B4GALNT3: variants seen among roughly 807,000 people sequenced by gnomAD.
The protein encoded by B4GALNT3 is beta-1,4-N-acetyl-galactosaminyltransferase 3.
B4GALNT3 carries 86 observed loss-of-function variants against 120.2 expected under a neutral mutation model. That is an observed-to-expected ratio of 0.72 (90% CI 0.60 to 0.86). The LOEUF (loss-of-function observed/expected upper bound fraction) is 0.86, where lower values mean the gene tolerates loss of function less well. B4GALNT3 is among the 40% of genes least tolerant of loss of function. The pLI is 0.00. For missense variants in B4GALNT3, 1,167 were observed against 1,298.9 expected, an observed-to-expected ratio of 0.90 and a Z score of 1.56; for synonymous variants, 518 against 510.4, an observed-to-expected ratio of 1.01 and a Z score of -0.20.
chr12:534,668 C>T (rs541311453), intron 1 of B4GALNT3, among the ~76,000 whole-genome samples: 1 of 152,204 alleles, frequency 6.6e-6, no homozygotes, highest in East Asian at 1.9e-4. Context: ...ATCCCAGGCC[C>T]ACTCTTTCCT....
chr12:461,564 A>G (rs1415539990), intron 1 of B4GALNT3, among the ~76,000 whole-genome samples: 1 of 152,216 alleles, frequency 6.6e-6, no homozygotes. Context: ...CGAGGTTCAA[A>G]GTTCTGGCAC....
At chr12:494,293 GA>G (rs11412767) in intron 1 of B4GALNT3, among the ~76,000 whole-genome samples, 69 of 139,672 alleles carry the variant, frequency 4.9e-4, no homozygotes, top group Admixed American at 7.1e-4. Context: ...TACCTTGAAA[GA>G]AAAAAAAAAA....
At chr12:511,552 C>G (rs1236016139) in intron 1 of B4GALNT3, among the ~76,000 whole-genome samples, 1 of 144,502 alleles carries the variant, frequency 6.9e-6, no homozygotes, top group East Asian at 2.0e-4. Flanking sequence ...CTTCCTTCCA[C>G]CTTCCACCTT....
chr12:488,690 C>A (rs215233), intron 1 of B4GALNT3, among the ~76,000 whole-genome samples: 27,202 of 151,880 alleles, frequency 0.18, 2,847 homozygotes, highest in Middle Eastern at 0.37. Flanking sequence ...AACAATGGCA[C>A]ATGCATGTAG....
At chr12:547,121 G>T (rs1007101337) in intron 7 of B4GALNT3, among the ~76,000 whole-genome samples, 19 of 152,146 alleles carry the variant, frequency 1.2e-4, no homozygotes, top group African/African-American at 3.4e-4. Context: ...AGCGCCCCCT[G>T]GTGGCCCACG....
intron 1 of B4GALNT3, among the ~76,000 whole-genome samples, chr12:533,633 C>T (rs991388912): frequency 1.1e-4 from 16 of 152,226 alleles, no homozygotes; most frequent in East Asian, 9.7e-4. Flanking sequence ...ATCCTGCCTG[C>T]GGAACAACCA....
intron 2 of B4GALNT3, among the ~76,000 whole-genome samples, chr12:535,548 C>T (rs987684597): frequency 7.9e-5 from 12 of 152,138 alleles, no homozygotes; most frequent in African/African-American, 1.9e-4. Context: ...TTGCCCGTGC[C>T]GGAACCACTC....
chr12:499,583 A>T (rs1946420621), intron 1 of B4GALNT3, among the ~76,000 whole-genome samples: 1 of 133,146 alleles, frequency 7.5e-6, no homozygotes, highest in East Asian at 2.1e-4. Context: ...TGCTCTCACT[A>T]TCTAGAACAC....
intron 1 of B4GALNT3, among the ~76,000 whole-genome samples, chr12:504,118 T>TAA (rs71045066): frequency 0.076 from 10,787 of 142,320 alleles, 621 homozygotes; most frequent in African/African-American, 0.16. Flanking sequence ...CTGTCTCAAT[T>TAA]AAAAAAAAAA....
chr12:515,488 C>T (rs927896552), intron 1 of B4GALNT3, among the ~76,000 whole-genome samples: 9 of 152,124 alleles, frequency 5.9e-5, no homozygotes, highest in African/African-American at 1.9e-4. Flanking sequence ...TGAGCCACCG[C>T]ACCCAGCCTC....
At chr12:522,546 G>A (rs986957574) in intron 1 of B4GALNT3, among the ~76,000 whole-genome samples, 2 of 152,168 alleles carry the variant, frequency 1.3e-5, no homozygotes, top group South Asian at 2.1e-4. Context: ...TAATGGGTAC[G>A]GAGTTTCAGT....
At chr12:488,662 A>C (rs1946312824) in intron 1 of B4GALNT3, among the ~76,000 whole-genome samples, 1 of 152,108 alleles carries the variant, frequency 6.6e-6, no homozygotes, top group Non-Finnish European at 1.5e-5. Flanking sequence ...TTAAAAATTA[A>C]ATTTTTAAAA....
chr12:513,031 C>T (rs1946611860), intron 1 of B4GALNT3, among the ~76,000 whole-genome samples: 1 of 150,380 alleles, frequency 6.6e-6, no homozygotes, highest in South Asian at 2.1e-4. Context: ...CTTCCACCTT[C>T]CACCTTCTTC....
In B4GALNT3 at chr12:548,923, C is replaced by T. The variant is rs1565609229; in HGVS notation, c.853+626C>T. Among the ~76,000 whole-genome samples, 1 of 151,868 alleles carries T rather than the reference C, an allele frequency of 6.6e-6. No individual in the cohort carries two copies. Among genetic ancestry groups the T allele is most frequent in the Non-Finnish European group, 1.5e-5 (1 of 67,890 alleles). On this transcript the variant is annotated intron_variant, in intron 9 of 19. Transcript: ENST00000266383. The surrounding 1 kb of genome is among the most constrained non-coding windows in gnomAD (Gnocchi z 4.9). ...GCCTCAAAAGCAAAACAAAACAACA[C>T]AAAAAAACCCTCTGAGCGAGTCCAA...
At position 550,897 on chromosome 12, in the gene B4GALNT3, A is replaced by G; in HGVS notation, c.998-25A>G. The G allele has an allele frequency of 1.3e-6, 2 of 1,563,736 alleles. No homozygotes were observed. The highest frequency in any genetic ancestry group is 1.8e-6 in the Non-Finnish European group (2 of 1,135,660). ...CAGTTTCGTGCTCACCCTCACCCTCACTCCTCCTCCTCCACTGTCCTCAGT... is the reference window on the plus strand; with the variant it reads ...CAGTTTCGTGCTCACCCTCACCCTCGCTCCTCCTCCTCCACTGTCCTCAGT... On this transcript the variant is annotated intron_variant, in intron 10 of 19. Coordinates refer to ENST00000266383, the MANE Select transcript of B4GALNT3 (RefSeq NM_173593.4). This position sits in a 1 kb window ranked among gnomAD's most constrained non-coding sequence, Gnocchi z 4.1.
intron 1 of B4GALNT3, among the ~76,000 whole-genome samples, chr12:502,927 A>G (rs1031201644): frequency 1.3e-5 from 2 of 151,548 alleles, no homozygotes; most frequent in Non-Finnish European, 2.9e-5. Flanking sequence ...TAATTTTTTT[A>G]TTTTTATTTT....
Position 532,047 on chromosome 12 carries a change from C to A in B4GALNT3, c.170-3119C>A, listed in dbSNP as rs551922145. On this transcript the variant is annotated intron_variant, in intron 1 of 19. Transcript: ENST00000266383. ...TCTCAAACTCCTGGGCTCAAGTGAT[C>A]CTGCTGCCTTGGCCTCCCAAAGTCC... 2.6e-5 allele frequency among the ~76,000 whole-genome samples: 4 copies of A among 151,796 alleles called. No individual in the cohort carries two copies. The East Asian group carries it at 5.8e-4, about 22-fold the overall frequency.
At chr12:558,474 A>G in intron 17 of B4GALNT3, 34 bp from the exon 18 acceptor site, 1 of 1,606,308 alleles carries the variant, frequency 6.2e-7, no homozygotes, top group Non-Finnish European at 8.5e-7. Context: ...TCTGGTCTGC[A>G]GGGTCTGCTG....
intron 3 of B4GALNT3, chr12:543,256 C>T (rs1403970528): frequency 1.5e-5 from 19 of 1,226,594 alleles, no homozygotes; most frequent in South Asian, 3.8e-5. Context: ...TAGAGTGGGC[C>T]GGACCCGCAC....
Sources: allele counts gnomAD v4.1 joint callset (sites outside exome capture counted in the v4.1 genomes callset), GRCh38; gene constraint gnomAD v4.1.1; non-coding constraint Gnocchi (gnomAD v3.1); transcripts MANE v1.5; gene names NCBI Gene and HGNC (gene_info 2026-07-23, HGNC 2026-07-21).